Variants in SEMA6D observed in about 807,000 individuals in gnomAD.
SEMA6D encodes the protein semaphorin 6D.
SEMA6D carries 35 observed loss-of-function variants against 106.6 expected under a neutral mutation model. The ratio of observed to expected loss-of-function variants is 0.33; its 90% CI spans 0.25 to 0.44. The LOEUF is 0.44. Among genes scored for constraint, SEMA6D ranks in the 20% least tolerant of loss-of-function variants. The pLI is 1.00. For synonymous variants in SEMA6D, 499 were observed against 487.7 expected (o/e 1.02, Z -0.31); for missense variants, 1,185 against 1,345.9 (o/e 0.88, Z 1.87).
At chr15:47,681,479 A>G (rs2078351598) in intron 4 of SEMA6D, among the ~76,000 whole-genome samples, 1 of 152,214 alleles carries the variant, frequency 6.6e-6, no homozygotes, top group African/African-American at 2.4e-5. Flanking sequence ...TTTAATGAGT[A>G]AAGAGTCTCA....
rs151298004 is a variant in SEMA6D at position 47,741,987 on chromosome 15, G to A, written c.-54-17758G>A. Reference sequence around the variant, plus strand: ...GGGATGGAGAGGGTCTGAGACTGGCGCTGGGTCCTAAGGATGACTAGGAAT... The same window carrying A: ...GGGATGGAGAGGGTCTGAGACTGGCACTGGGTCCTAAGGATGACTAGGAAT... On this transcript the variant is annotated intron_variant, in intron 1 of 18. Coordinates refer to ENST00000536845, the MANE Select transcript of SEMA6D (RefSeq NM_001358351.3). Among the ~76,000 whole-genome samples, 47 of 152,248 alleles carry A rather than the reference G, an allele frequency of 3.1e-4. No homozygotes were observed. In the East Asian group the frequency reaches 8.0e-3, roughly 26 times the overall value.
chr15:47,601,366 A>G (rs1221114260), intron 4 of SEMA6D, among the ~76,000 whole-genome samples: 1 of 152,190 alleles, frequency 6.6e-6, no homozygotes, highest in Non-Finnish European at 1.5e-5. Flanking sequence ...GTATTAGCCA[A>G]GTTGTGTAAC....
chr15:47,465,876 G>C (rs1006664061), intron 2 of SEMA6D, among the ~76,000 whole-genome samples: 2 of 145,344 alleles, frequency 1.4e-5, no homozygotes, highest in African/African-American at 2.5e-5. Context: ...ACCAGTAAAG[G>C]GTCTTGCCAA....
At chr15:47,633,994 A>G (rs114591471) in intron 4 of SEMA6D, among the ~76,000 whole-genome samples, 29 of 152,060 alleles carry the variant, frequency 1.9e-4, no homozygotes, top group African/African-American at 6.5e-4. Flanking sequence ...AATAATTTCT[A>G]TTCCTTTGCT....
At chr15:47,340,262 A>G (rs1009107501) in intron 1 of SEMA6D, among the ~76,000 whole-genome samples, 8 of 152,068 alleles carry the variant, frequency 5.3e-5, no homozygotes, top group African/African-American at 1.9e-4. Flanking sequence ...GAAATTGAGG[A>G]GAATGGAGAG....
At position 47,761,738 on chromosome 15, in the gene SEMA6D, T is replaced by C. The variant is rs1263967414; in HGVS notation, c.525T>C (p.Val175=). The C allele has an allele frequency of 1.2e-6, 2 of 1,611,266 alleles. No homozygotes were observed. Among genetic ancestry groups the C allele is most frequent in the Non-Finnish European group, 1.7e-6 (2 of 1,178,644 alleles). ...CATTTGATGCCAGACAAACCAATGT[T>C]GCCCTCTTTGCTGGTAAGATCCTTT... is the stretch of plus-strand genomic sequence containing the variant. The part of the protein sequence containing the change: ...RCPFDARQTN[V]ALFADGKLYS... The change falls in exon 7 of 19, where the codon GTT becomes GTC. Residue 175 remains valine (V), a synonymous_variant. Transcript: ENST00000536845.
intron 3 of SEMA6D, among the ~76,000 whole-genome samples, chr15:47,552,055 C>T (rs1294809295): frequency 2.0e-5 from 3 of 150,198 alleles, no homozygotes; most frequent in South Asian, 2.1e-4. Flanking sequence ...AAAAGACAGT[C>T]ATACACATAT....
intron 2 of SEMA6D, among the ~76,000 whole-genome samples, chr15:47,465,475 G>A (rs1370011706): frequency 6.6e-6 from 1 of 152,140 alleles, no homozygotes; most frequent in Non-Finnish European, 1.5e-5. Flanking sequence ...CTGACTTTAT[G>A]TTCTAAACGC....
At chr15:47,713,719 C>T (rs541255649), upstream of SEMA6D, among the ~76,000 whole-genome samples, 2 of 152,202 alleles carry the variant, frequency 1.3e-5, no homozygotes, top group African/African-American at 4.8e-5. Context: ...AAAATTCATA[C>T]AAAATGTTAT....
chr15:47,405,367 T>C (rs1393728660), intron 1 of SEMA6D, among the ~76,000 whole-genome samples: 2 of 152,042 alleles, frequency 1.3e-5, no homozygotes, highest in African/African-American at 4.8e-5. Flanking sequence ...TTACAAAGTC[T>C]CATCTCAGAC....
At position 47,771,715 on chromosome 15, in the gene SEMA6D, A is replaced by G; in HGVS notation, c.3152A>G (p.Asp1051Gly). 1 of 1,614,034 alleles carries G rather than the reference A, an allele frequency of 6.2e-7. No homozygotes were observed. The highest frequency in any genetic ancestry group is 8.5e-7 in the Non-Finnish European group (1 of 1,179,964). The change falls in exon 19 of 19, where the codon GAC becomes GGC. Residue 1051 changes from aspartate to glycine, a missense_variant. Asp to Gly is a moderately conservative substitution (Grantham distance 94). Transcript: ENST00000536845. ...GLKRTPSLKP[D>G]VPPKPSFVPQ... is the part of the protein sequence containing the mutation. ...AAGAGGACGCCGTCCTTAAAACCTGACGTGCCACCAAAGCCTTCCTTTGTT... is the reference window on the plus strand; with the variant it reads ...AAGAGGACGCCGTCCTTAAAACCTGGCGTGCCACCAAAGCCTTCCTTTGTT...
rs796827606 is a variant in SEMA6D at position 47,552,822 on chromosome 15, ATATATTTT to A, written c.-86-48037_-86-48030del. ...TATATATAAAAATATATATAAATAT[ATATATTTT>A]TATATATATATAAATATATATAAAT... On this transcript the variant is annotated intron_variant, in intron 3 of 19. Transcript: ENST00000558014. Among the ~76,000 whole-genome samples the A allele has an allele frequency of 1.7e-3, 92 of 53,678 alleles. 1 individual carries two copies. The highest frequency in any genetic ancestry group is 7.8e-3 in the African/African-American group (76 of 9,684). The allele number at this position is 53,678 out of a possible 152,430, so 35.2% of individuals were successfully genotyped here.
At chr15:47,423,364 G>A (rs1387626083) in intron 2 of SEMA6D, among the ~76,000 whole-genome samples, 2 of 151,944 alleles carry the variant, frequency 1.3e-5, no homozygotes, top group Non-Finnish European at 2.9e-5. Flanking sequence ...GGCATTCTTA[G>A]CCACATAAAA....
chr15:47,273,163 T>C (rs1330572391), intron 1 of SEMA6D, among the ~76,000 whole-genome samples: 1 of 152,158 alleles, frequency 6.6e-6, no homozygotes, highest in Non-Finnish European at 1.5e-5. Flanking sequence ...AGGCAAGATG[T>C]GCTCTTAGTT....
At chr15:47,323,204 G>T (rs761325309) in intron 1 of SEMA6D, among the ~76,000 whole-genome samples, 59 of 152,262 alleles carry the variant, frequency 3.9e-4, no homozygotes, top group Middle Eastern at 6.8e-3. Flanking sequence ...CCAGGTAGTA[G>T]GAAGGAGTGT....
At chr15:47,304,585 C>T (rs771301803) in intron 1 of SEMA6D, among the ~76,000 whole-genome samples, 1 of 152,024 alleles carries the variant, frequency 6.6e-6, no homozygotes, top group African/African-American at 2.4e-5. Context: ...AGGTCTTGTC[C>T]GTATTAGGAA....
At chr15:47,265,290 CTTCA>C (rs1269119110) in intron 1 of SEMA6D, among the ~76,000 whole-genome samples, 1 of 151,530 alleles carries the variant, frequency 6.6e-6, no homozygotes, top group Non-Finnish European at 1.5e-5. Context: ...TAATAAATCT[CTTCA>C]TTCATTATAG....
rs535505127 is a variant in SEMA6D at position 47,395,560 on chromosome 15, C to T, written c.-238-16833C>T. 5.9e-5 allele frequency: 9 copies of T among 152,274 alleles called. 1 individual carries two copies. The South Asian group carries it at 6.2e-4, about 11-fold the overall frequency. 9.4% of individuals were successfully genotyped at this position (152,274 alleles called of 1,614,324 possible). ...AAAAGAAAACATTTGGGTGTCATCA[C>T]CTGCTTCTCTGGAGAATACACATAG... On this transcript the variant is annotated intron_variant, in intron 1 of 19. Coordinates refer to the SEMA6D transcript ENST00000558014.
intron 1 of SEMA6D, among the ~76,000 whole-genome samples, chr15:47,228,029 A>ATATATATAAGAATCTTATATATATATTTT (rs1566938714): frequency 1.8e-4 from 26 of 140,690 alleles, no homozygotes; most frequent in East Asian, 1.3e-3. Context: ...TATATTTTTT[A>ATATATATAAGAATCTTATATATATATTTT]TATATATAAG....
Sources: allele counts gnomAD v4.1 joint callset (sites outside exome capture counted in the v4.1 genomes callset), GRCh38; gene constraint gnomAD v4.1.1; transcripts MANE v1.5; gene names NCBI Gene and HGNC (gene_info 2026-07-23, HGNC 2026-07-21).